Variants in MARCO observed in about 807,000 individuals in gnomAD.
MARCO encodes the protein macrophage receptor MARCO.
MARCO carries 72 observed loss-of-function variants against 70.0 expected under a neutral mutation model. The observed-to-expected ratio is 1.03, with a 90% CI of 0.85 to 1.25. MARCO has a LOEUF of 1.25. Ranked by LOEUF, MARCO falls within the 50% of genes most tolerant of loss-of-function variation. The probability of loss-of-function intolerance (pLI) is 0.00; values close to 1 mark genes in which losing one functional copy is unlikely to be tolerated. For synonymous variants in MARCO, 273 were observed against 243.1 expected (o/e 1.12, Z -1.14); for missense variants, 696 against 659.3 (o/e 1.06, Z -0.61).
At chr2:118,978,205 G>A (rs1680323054) in intron 8 of MARCO, among the ~76,000 whole-genome samples, 1 of 152,206 alleles carries the variant, frequency 6.6e-6, no homozygotes, top group Non-Finnish European at 1.5e-5. Context: ...AAGGGGATGA[G>A]GAGAGTGGGC....
At chr2:118,969,947 G>A (rs1475595604) in intron 2 of MARCO, among the ~76,000 whole-genome samples, 167 bp from the exon 3 acceptor site, 1 of 152,178 alleles carries the variant, frequency 6.6e-6, no homozygotes, top group African/African-American at 2.4e-5. Flanking sequence ...GAGCGCACAT[G>A]GTCAAGATGT....
At chr2:118,993,593 G>A (rs960657537) in intron 16 of MARCO, among the ~76,000 whole-genome samples, 36 of 152,280 alleles carry the variant, frequency 2.4e-4, no homozygotes, top group African/African-American at 6.7e-4. Context: ...GGTGTTTGCC[G>A]CAGATGGCTC....
At chr2:118,967,021 T>C (rs912557894) in intron 1 of MARCO, among the ~76,000 whole-genome samples, 1 of 152,216 alleles carries the variant, frequency 6.6e-6, no homozygotes, top group Non-Finnish European at 1.5e-5. Flanking sequence ...ATCTATTCAG[T>C]CATCATCTTC....
chr2:118,945,580 CTT>C (rs1315642529), intron 1 of MARCO, among the ~76,000 whole-genome samples: 1 of 151,606 alleles, frequency 6.6e-6, no homozygotes, highest in Non-Finnish European at 1.5e-5. Context: ...GCCCGGCTAA[CTT>C]TTATATTTTT....
At chr2:118,985,006 T>C (rs114727714) in intron 12 of MARCO, among the ~76,000 whole-genome samples, 573 of 152,348 alleles carry the variant, frequency 3.8e-3, no homozygotes, top group African/African-American at 0.013. Flanking sequence ...GTTTCATTAC[T>C]GCGCATTAAT....
At position 118,970,262 on chromosome 2, in the gene MARCO, G is replaced by A. The variant is rs758929331; in HGVS notation, c.348G>A (p.Leu116=). 10 of 1,613,950 alleles carry A rather than the reference G, an allele frequency of 6.2e-6. No homozygotes were observed. The East Asian group carries it at 1.1e-4, about 18-fold the overall frequency. ...AGGGTGCATCGAGGCTGCAAGTCCT[G>A]CAGGCCCAACTCACCTGGGTCCGCG... ...LAQGASRLQV[L]QAQLTWVRVS... The change falls in exon 3 of 17, where the codon CTG becomes CTA. Residue 116 remains leucine (L), a synonymous_variant. Transcript: ENST00000327097.
rs1558671646 is a variant in MARCO, at chr2:118,986,656, G to GAAAGAAAGAAA, written c.1064-3933_1064-3932insAAAGAAAGAAA. On this transcript the variant is annotated intron_variant, in intron 12 of 16. Transcript: ENST00000327097. ...AAGAAAGAAAGAAAGAAAGAAAGAAGGAAGGAAGGAAGGAAGGAAAGAAAG... is the reference window on the plus strand; with the variant it reads ...AAGAAAGAAAGAAAGAAAGAAAGAAGAAAGAAAGAAAGAAGGAAGGAAGGAAGGAAAGAAAG... Among the ~76,000 whole-genome samples, 127 of 28,196 alleles carry GAAAGAAAGAAA rather than the reference G, an allele frequency of 4.5e-3. 1 individual carries two copies. Among genetic ancestry groups the GAAAGAAAGAAA allele is most frequent in the African/African-American group, 7.8e-3 (27 of 3,456 alleles). The allele number at this position is 28,196 out of a possible 152,430, so 18.5% of individuals were successfully genotyped here.
intron 14 of MARCO, 111 bp downstream of exon 14, chr2:118,991,986 C>T: frequency 1.3e-6 from 1 of 797,250 alleles, no homozygotes; most frequent in Non-Finnish European, 2.0e-6. Flanking sequence ...TTTTCAGAAC[C>T]CAGGAGGGTA....
chr2:118,951,344 T>A (rs547361084), intron 1 of MARCO, among the ~76,000 whole-genome samples: 2 of 152,354 alleles, frequency 1.3e-5, no homozygotes, highest in African/African-American at 2.4e-5. Context: ...GAATTTTCAG[T>A]GGCTAACGTT....
intron 12 of MARCO, among the ~76,000 whole-genome samples, chr2:118,983,253 CT>C (rs1207700085): frequency 3.9e-5 from 6 of 152,234 alleles, no homozygotes; most frequent in South Asian, 2.1e-4. Context: ...GCCTCCACCC[CT>C]GTCCTCTGCC....
chr2:118,991,115 C>G (rs951127042), intron 13 of MARCO, among the ~76,000 whole-genome samples: 18 of 152,158 alleles, frequency 1.2e-4, no homozygotes, highest in African/African-American at 4.3e-4. Context: ...CAGTTGGGTA[C>G]TGAGCTGGCA....
At chr2:118,950,324 C>T (rs921795977) in intron 1 of MARCO, among the ~76,000 whole-genome samples, 1 of 151,946 alleles carries the variant, frequency 6.6e-6, no homozygotes, top group African/African-American at 2.4e-5. Context: ...TAAGAAAAAC[C>T]TGTTGTTCTT....
chr2:118,986,619 A>AAG, intron 12 of MARCO, among the ~76,000 whole-genome samples: 1 of 26,450 alleles, frequency 3.8e-5, no homozygotes, highest in Middle Eastern at 0.014. Flanking sequence ...GAAAGAAAGA[A>AAG]AGAAAGAAAG....
At chr2:118,962,054 G>T (rs1289945961) in intron 1 of MARCO, among the ~76,000 whole-genome samples, 2 of 151,932 alleles carry the variant, frequency 1.3e-5, no homozygotes, top group African/African-American at 4.8e-5. Flanking sequence ...TTGCTGAGTT[G>T]TCTATTCTGT....
chr2:118,988,821 G>A (rs1680562823), intron 12 of MARCO, among the ~76,000 whole-genome samples: 1 of 151,996 alleles, frequency 6.6e-6, no homozygotes, highest in South Asian at 2.1e-4. Flanking sequence ...CTCATGTGTG[G>A]ACTCAACCTC....
At chr2:118,964,551 T>C (rs1680007457) in intron 1 of MARCO, among the ~76,000 whole-genome samples, 1 of 152,160 alleles carries the variant, frequency 6.6e-6, no homozygotes, top group Admixed American at 6.5e-5. Context: ...ACCACTTACA[T>C]CTGTTCTCCA....
At chr2:118,979,591 A>G (rs1315894594) in intron 8 of MARCO, among the ~76,000 whole-genome samples, 1 of 152,202 alleles carries the variant, frequency 6.6e-6, no homozygotes, top group African/African-American at 2.4e-5. Context: ...AGTCTGAGTT[A>G]TGCAGCTTCC....
chr2:118,975,133 T>C (rs191741935), intron 6 of MARCO, among the ~76,000 whole-genome samples: 129 of 152,214 alleles, frequency 8.5e-4, no homozygotes, highest in African/African-American at 3.1e-3. Context: ...TGCCCAGCCA[T>C]CTTATTAATA....
intron 12 of MARCO, 138 bp downstream of exon 12, chr2:118,982,548 G>A: frequency 1.2e-6 from 1 of 818,930 alleles, no homozygotes. Context: ...CTGGTTATGG[G>A]GGCAGTTGCC....
Sources: gnomAD v4.1 joint callset for allele counts (sites outside exome capture counted in the v4.1 genomes callset) on GRCh38, gnomAD v4.1.1 for gene constraint, MANE v1.5 for transcripts, NCBI Gene and HGNC (gene_info 2026-07-23, HGNC 2026-07-21) for gene names.